Variants in MYOF observed in about 807,000 individuals in gnomAD.
MYOF encodes the protein myoferlin.
Under a neutral mutation model 284.2 loss-of-function variants are expected in MYOF, and 244 were observed. The ratio of observed to expected loss-of-function variants is 0.86; its 90% CI spans 0.77 to 0.95. The LOEUF is 0.95. Ranked by LOEUF, MYOF falls within the 40% of genes least tolerant of loss-of-function variation. MYOF has a pLI of 0.00. For missense variants in MYOF, 2,496 were observed against 2,560.6 expected (o/e 0.97, Z 0.54); for synonymous variants, 904 against 919.7 (o/e 0.98, Z 0.31).
In MYOF at chr10:93,408,929, G is replaced by C. The variant is rs1399504883; in HGVS notation, c.601-14C>G. 2.5e-6 allele frequency: 4 copies of C among 1,613,494 alleles called. No individual in the cohort carries two copies. The highest frequency in any genetic ancestry group is 1.7e-4 in the Middle Eastern group (1 of 6,048). On this transcript the variant is annotated splice_polypyrimidine_tract_variant and intron_variant, in intron 6 of 53. Transcript: ENST00000359263. ...TCGGACGCGGATCTGCAGCACAGAAGGGGGATGGTTACCCAACCTTTCCCA... is the reference window on the plus strand; with the variant it reads ...TCGGACGCGGATCTGCAGCACAGAACGGGGATGGTTACCCAACCTTTCCCA...
At chr10:93,464,304 C>T (rs1247416923) in intron 1 of MYOF, among the ~76,000 whole-genome samples, 1 of 152,174 alleles carries the variant, frequency 6.6e-6, no homozygotes, top group East Asian at 1.9e-4. Context: ...ACTTGCTAGC[C>T]CCCACAACTG....
At chr10:93,442,713 A>G (rs1002317200) in intron 3 of MYOF, among the ~76,000 whole-genome samples, 1 of 152,248 alleles carries the variant, frequency 6.6e-6, no homozygotes, top group Non-Finnish European at 1.5e-5. Context: ...AATACTAGAC[A>G]TGCAAATTCT....
chr10:93,480,417 C>T (rs1433405220), intron 1 of MYOF, among the ~76,000 whole-genome samples: 1 of 149,124 alleles, frequency 6.7e-6, no homozygotes, highest in Non-Finnish European at 1.5e-5. Flanking sequence ...TTTTTTAAAT[C>T]CAATTTTTGC....
chr10:93,379,943 C>T lies in MYOF; in HGVS notation c.1921G>A (p.Val641Ile), dbSNP rs754176397. ...TCCTCCCAGTATGAAGTCAGGGTAA[C>T]AACTGGCTTGGTGTGGGCCCAAGGC... ...YLPWAHTKPV[V>I]TLTSYWEDIS... The change falls in exon 21 of 54, where the codon GTT becomes ATT. Residue 641 changes from valine (V) to isoleucine (I), a missense_variant. Physicochemically the swap from Val to Ile is conservative, Grantham distance 29. This residue lies in a region of MYOF where 2,436 missense variants were observed against 2,480.7 expected (regional missense o/e 0.98). Transcript: ENST00000359263. The T allele has an allele frequency of 1.2e-6, 2 of 1,614,078 alleles. No individual in the cohort carries two copies. Among genetic ancestry groups the T allele is most frequent in the Non-Finnish European group, 1.7e-6 (2 of 1,179,974 alleles).
At chr10:93,384,747 T>G (rs777481515) in intron 19 of MYOF, among the ~76,000 whole-genome samples, 1 of 152,056 alleles carries the variant, frequency 6.6e-6, no homozygotes, top group Non-Finnish European at 1.5e-5. Flanking sequence ...CTAGTGCACC[T>G]TGTGGATAAG....
At chr10:93,387,128 A>C (rs1846413031) in intron 19 of MYOF, among the ~76,000 whole-genome samples, 1 of 152,186 alleles carries the variant, frequency 6.6e-6, no homozygotes, top group African/African-American at 2.4e-5. Context: ...AAAGCTTTTT[A>C]AAAGTTGCTG....
chr10:93,390,648 A>C (rs974442367), intron 17 of MYOF, among the ~76,000 whole-genome samples: 3 of 152,276 alleles, frequency 2.0e-5, no homozygotes, highest in African/African-American at 7.2e-5. Flanking sequence ...AACATTGCAA[A>C]GACGATTAAT....
intron 1 of MYOF, among the ~76,000 whole-genome samples, chr10:93,466,234 C>T (rs1306214673): frequency 6.6e-5 from 10 of 152,184 alleles, no homozygotes; most frequent in South Asian, 2.1e-4. Flanking sequence ...GCTGCCCTAT[C>T]GTTCCAGGAA....
chr10:93,428,196 ATT>A (rs34975275), intron 4 of MYOF, among the ~76,000 whole-genome samples: 29,124 of 127,580 alleles, frequency 0.23, 3,616 homozygotes, highest in East Asian at 0.72. Context: ...TTTTATGTGA[ATT>A]TTTTTTTTTT....
intron 7 of MYOF, 102 bp from the exon 8 acceptor site, chr10:93,404,321 C>CA: frequency 8.2e-7 from 1 of 1,225,128 alleles, no homozygotes; most frequent in Non-Finnish European, 1.2e-6. Flanking sequence ...ATGCAAAACA[C>CA]AAATTCAAAA....
At chr10:93,325,989 G>A (rs1564619866) in intron 45 of MYOF, 24 bp from the exon 46 acceptor site, 1 of 1,613,842 alleles carries the variant, frequency 6.2e-7, no homozygotes. Context: ...CAGCATTGAA[G>A]CAGGAATGAG....
chr10:93,478,039 A>G (rs1001943801), intron 1 of MYOF: 11 of 177,730 alleles, frequency 6.2e-5, no homozygotes, highest in Non-Finnish European at 9.2e-5. Context: ...GGAGAGAGAA[A>G]GAATAGAAGA....
chr10:93,405,086 C>T (rs2134103571), intron 7 of MYOF, among the ~76,000 whole-genome samples: 1 of 151,922 alleles, frequency 6.6e-6, no homozygotes, highest in Admixed American at 6.6e-5. Context: ...CACCTATGTT[C>T]ACCAATTGTT....
chr10:93,461,940 G>A (rs897580779), intron 1 of MYOF, among the ~76,000 whole-genome samples: 2 of 152,168 alleles, frequency 1.3e-5, no homozygotes, highest in African/African-American at 4.8e-5. Flanking sequence ...AAGGGGAGTG[G>A]CTGAGTCCAG....
At position 93,335,957 on chromosome 10, in the gene MYOF, A is replaced by G; in HGVS notation, c.4527T>C (p.Asp1509=). 1.2e-6 allele frequency: 2 copies of G among 1,614,232 alleles called. No individual in the cohort carries two copies. The highest frequency in any genetic ancestry group is 1.7e-6 in the Non-Finnish European group (2 of 1,180,036). The change falls in exon 41 of 54, where the codon GAT becomes GAC. Residue 1509 remains aspartate, a synonymous_variant. Transcript: ENST00000359263. ...DTFKLYRGKS[D]ENEDPSVVGE... ...CAACCACAGAAGGATCTTCATTTTC[A>G]TCCGACTTGCCTCGGTACAACTTGA...
At position 93,389,062 on chromosome 10, in the gene MYOF, G is replaced by C. The variant is rs1462877247; in HGVS notation, c.1549C>G (p.Pro517Ala). 2 of 1,614,046 alleles carry C rather than the reference G, an allele frequency of 1.2e-6. No individual in the cohort carries two copies. Among genetic ancestry groups the C allele is most frequent in the Admixed American group, 1.7e-5 (1 of 59,998 alleles). ...YGSPREYTGF[P>A]DPYDELNTGK... Reference sequence around the variant, plus strand: ...GTATTCAGCTCATCATAGGGGTCTGGGAATCCCGTGTACTCTCTGGGGCTT... The same window carrying C: ...GTATTCAGCTCATCATAGGGGTCTGCGAATCCCGTGTACTCTCTGGGGCTT... Residue 517 changes from proline (P) to alanine (A), a missense_variant, in exon 18 of 54, where the codon CCA becomes GCA. Physicochemically the swap from Pro to Ala is conservative, Grantham distance 27 (BLOSUM62 -1). This residue lies in a region of MYOF where 2,436 missense variants were observed against 2,480.7 expected (regional missense o/e 0.98). Coordinates refer to ENST00000359263, the MANE Select transcript of MYOF (RefSeq NM_013451.4).
In MYOF at chr10:93,409,706, C is replaced by A. The variant is rs1189899013; in HGVS notation, c.467G>T (p.Arg156Met). ...AGGGCCCCTGACTGCATTGTCCAAC[C>A]TGTCTTCATCACCTTCATCTTCTTC... ...DGEEDEGDED[R>M]LDNAVRGPGP... Residue 156 changes from arginine to methionine, a missense_variant, in exon 6 of 54, where the codon AGG becomes ATG. Arg to Met is a moderately conservative substitution (Grantham distance 91). This residue lies in a region of MYOF where 2,436 missense variants were observed against 2,480.7 expected (regional missense o/e 0.98). Coordinates refer to ENST00000359263, the MANE Select transcript of MYOF (RefSeq NM_013451.4). 1 of 1,614,206 alleles carries A rather than the reference C, an allele frequency of 6.2e-7. No homozygotes were observed. Among genetic ancestry groups the A allele is most frequent in the Non-Finnish European group, 8.5e-7 (1 of 1,180,038 alleles).
chr10:93,374,397 T>C (rs1845740886), intron 23 of MYOF, among the ~76,000 whole-genome samples: 1 of 152,212 alleles, frequency 6.6e-6, no homozygotes, highest in Non-Finnish European at 1.5e-5. Flanking sequence ...CCCAATGTTA[T>C]ACATGGTAGA....
intron 27 of MYOF, among the ~76,000 whole-genome samples, chr10:93,361,774 G>A (rs576919825): frequency 6.6e-6 from 1 of 152,156 alleles, no homozygotes; most frequent in Admixed American, 6.5e-5. Context: ...TTACTATTAG[G>A]GAATAGTACT....
Sources: gnomAD v4.1 joint callset for allele counts (sites outside exome capture counted in the v4.1 genomes callset) on GRCh38, gnomAD v4.1.1 for gene constraint, gnomAD v4.1.1 regional missense constraint, MANE v1.5 for transcripts, NCBI Gene and HGNC (gene_info 2026-07-23, HGNC 2026-07-21) for gene names.